BRCA2: variants seen among roughly 807,000 people sequenced by gnomAD.
BRCA2 encodes breast cancer type 2 susceptibility protein.
Under a neutral mutation model 276.7 loss-of-function variants are expected in BRCA2, and 203 were observed. The ratio of observed to expected loss-of-function variants is 0.73; its 90% confidence interval spans 0.65 to 0.82. The LOEUF (loss-of-function observed/expected upper bound fraction) is 0.82, where lower values mean the gene tolerates loss of function less well. Among genes scored for constraint, BRCA2 ranks in the 40% least tolerant of loss-of-function variants. BRCA2 has a pLI of 0.00. For synonymous variants in BRCA2, 1,289 were observed against 1,338.4 expected (o/e 0.96, Z 0.81); for missense variants, 3,920 against 3,915.0 (o/e 1.00, Z -0.03).
Position 32,363,424 on chromosome 13 carries a change from A to G in BRCA2, c.8222A>G (p.Lys2741Arg), listed in dbSNP as rs1060502428. The change falls in exon 18 of 27, where the codon AAG becomes AGG. Residue 2741 changes from lysine (K) to arginine (R), a missense_variant. Around this residue, in one of 2 missense-constraint regions of BRCA2, gnomAD observed 3,263 missense variants for 3,156.9 expected, o/e 1.03. Coordinates refer to ENST00000380152, the MANE Select transcript of BRCA2 (RefSeq NM_000059.4). Reference sequence around the variant, plus strand: ...GATCCTCCCCTCTTAGCTGTCTTAAAGAATGGCAGACTGACAGTTGGTCAG... The same window carrying G: ...GATCCTCCCCTCTTAGCTGTCTTAAGGAATGGCAGACTGACAGTTGGTCAG... ...QLDPPLLAVL[K>R]NGRLTVGQKI... The G allele has an allele frequency of 1.9e-6, 3 of 1,614,218 alleles. No homozygotes were observed. Among genetic ancestry groups the G allele is most frequent in the Non-Finnish European group, 2.5e-6 (3 of 1,180,032 alleles).
At chr13:32,350,707 T>C (rs1296014740) in intron 13 of BRCA2, among the ~76,000 whole-genome samples, 1 of 151,732 alleles carries the variant, frequency 6.6e-6, no homozygotes, top group Non-Finnish European at 1.5e-5. Context: ...GAGCCGAGAT[T>C]GCACCACTGC....
rs569898051 is a variant in BRCA2, at chr13:32,323,155, T to C, written c.317-1921T>C. On this transcript the variant is annotated intron_variant, in intron 3 of 26. Coordinates refer to ENST00000380152, the MANE Select transcript of BRCA2 (RefSeq NM_000059.4). ...CCTCATTGTTTGTTTTATTTAATTT[T>C]TTTTTTTTTTTTTTGGAGATGAAAT... Among the ~76,000 whole-genome samples the C allele has an allele frequency of 2.8e-3, 397 of 142,902 alleles. 1 individual carries two copies. The highest frequency in any genetic ancestry group is 4.9e-3 in the Non-Finnish European group (312 of 64,066). 93.7% of individuals were successfully genotyped at this position (142,902 alleles called of 152,430 possible).
Position 32,337,355 on chromosome 13 carries a change from T to A in BRCA2, c.3000T>A (p.Ile1000=), listed in dbSNP as rs587780649. 2 of 1,613,870 alleles carry A rather than the reference T, an allele frequency of 1.2e-6. No individual in the cohort carries two copies. The highest frequency in any genetic ancestry group is 1.7e-6 in the Non-Finnish European group (2 of 1,179,914). The change falls in exon 11 of 27, where the codon ATT becomes ATA. Residue 1000 remains isoleucine (I), a synonymous_variant. Transcript: ENST00000380152. ...MNKWAGLLGP[I]SNHSFGGSFR... The stretch of plus-strand genomic sequence containing the variant: ...AATGGGCAGGACTCTTAGGTCCAAT[T>A]TCAAATCACAGTTTTGGAGGTAGCT...
rs397507778 is a variant in BRCA2, at chr13:32,339,646, C to T, written c.5291C>T (p.Ser1764Leu). 1.2e-6 allele frequency: 2 copies of T among 1,612,294 alleles called. No homozygotes were observed. Among genetic ancestry groups the T allele is most frequent in the South Asian group, 2.2e-5 (2 of 90,914 alleles). Residue 1764 changes from serine (S) to leucine (L), a missense_variant, in exon 11 of 27, where the codon TCA becomes TTA. This residue lies in a region of BRCA2 where 3,263 missense variants were observed against 3,156.9 expected (regional missense o/e 1.03). Coordinates refer to ENST00000380152, the MANE Select transcript of BRCA2 (RefSeq NM_000059.4). ...GTATATAATGATTCAGGATATCTCT[C>T]AAAAAATAAACTTGATTCTGGTATT... ...DEVYNDSGYL[S>L]KNKLDSGIEP...
chr13:32,376,627 G>A (rs2137612016), intron 20 of BRCA2, 43 bp from the exon 21 acceptor site: 1 of 1,603,524 alleles, frequency 6.2e-7, no homozygotes, highest in Non-Finnish European at 8.5e-7. Context: ...AGTTGCTTTT[G>A]AATTTACAGT....
intron 13 of BRCA2, 42 bp from the exon 14 acceptor site, chr13:32,354,819 G>A (rs771027448): frequency 7.7e-7 from 1 of 1,292,248 alleles, no homozygotes; most frequent in Non-Finnish European, 1.1e-6. Context: ...ATATTTATAT[G>A]TGTACTAGTC....
intron 9 of BRCA2, among the ~76,000 whole-genome samples, chr13:32,331,716 T>C (rs1357818542): frequency 1.3e-5 from 2 of 152,162 alleles, no homozygotes; most frequent in Non-Finnish European, 1.5e-5. Flanking sequence ...TCTGAGCTTT[T>C]TTTTTTTCTA....
intron 13 of BRCA2, among the ~76,000 whole-genome samples, chr13:32,351,214 C>T (rs563976594): frequency 1.3e-5 from 2 of 152,318 alleles, no homozygotes; most frequent in South Asian, 2.1e-4. Context: ...CCTTTATGAG[C>T]TGTAACACTC....
intron 16 of BRCA2, 96 bp downstream of exon 16, chr13:32,358,025 A>C (rs750152775): frequency 2.2e-6 from 3 of 1,378,434 alleles, no homozygotes; most frequent in Non-Finnish European, 3.1e-6. Flanking sequence ...GTTGGCTAGA[A>C]ATCAAATTTT....
chr13:32,341,342 G>C, intron 11 of BRCA2, 146 bp downstream of exon 11: 1 of 1,072,248 alleles, frequency 9.3e-7, no homozygotes, highest in East Asian at 2.5e-5. Flanking sequence ...AGTATGGTTT[G>C]ATATACAGAT....
rs1555283610 is a variant in BRCA2, at chr13:32,338,523, T to C, written c.4168T>C (p.Leu1390=). The part of the protein sequence containing the change: ...IKEDLSDLTF[L]EVAKAQEACH... ...AGAAGATTTGTCAGATTTAACTTTT[T>C]TGGAAGTTGCGAAAGCTCAAGAAGC... Residue 1390 remains leucine, a synonymous_variant, in exon 11 of 27, where the codon TTG becomes CTG. Transcript: ENST00000380152. 1.2e-6 allele frequency: 2 copies of C among 1,604,706 alleles called. No homozygotes were observed. The highest frequency in any genetic ancestry group is 1.7e-6 in the Non-Finnish European group (2 of 1,177,482).
chr13:32,321,643 T>C (rs994531197), intron 3 of BRCA2, among the ~76,000 whole-genome samples: 1 of 152,220 alleles, frequency 6.6e-6, no homozygotes, highest in Non-Finnish European at 1.5e-5. Flanking sequence ...GACTAGTCTC[T>C]TGAGACCTTT....
At chr13:32,325,548 GTT>G (rs61508122) in intron 4 of BRCA2, among the ~76,000 whole-genome samples, 3 of 135,982 alleles carry the variant, frequency 2.2e-5, no homozygotes, top group Admixed American at 7.4e-5. Context: ...TTTTTTTTTT[GTT>G]TTTTTTTTTT....
rs1454140894 is a variant in BRCA2 at position 32,338,554 on chromosome 13, A to G, written c.4199A>G (p.His1400Arg). 1.3e-6 allele frequency: 2 copies of G among 1,598,120 alleles called. No homozygotes were observed. Among genetic ancestry groups the G allele is most frequent in the East Asian group, 2.2e-5 (1 of 44,680 alleles). ...GTTGCGAAAGCTCAAGAAGCATGTCATGGTAATACTTCAAATAAAGAACAG... is the reference window on the plus strand; with the variant it reads ...GTTGCGAAAGCTCAAGAAGCATGTCGTGGTAATACTTCAAATAAAGAACAG... ...LEVAKAQEAC[H>R]GNTSNKEQLT... The change falls in exon 11 of 27, where the codon CAT (histidine) becomes CGT (arginine). Residue 1400 changes from histidine to arginine, a missense_variant. His to Arg is a conservative substitution (Grantham distance 29, BLOSUM62 0). This residue lies in a region of BRCA2 where 3,263 missense variants were observed against 3,156.9 expected (regional missense o/e 1.03). Coordinates refer to ENST00000380152, the MANE Select transcript of BRCA2 (RefSeq NM_000059.4).
intron 18 of BRCA2, among the ~76,000 whole-genome samples, chr13:32,365,206 T>C (rs938514606): frequency 6.8e-6 from 1 of 146,638 alleles, no homozygotes; most frequent in African/African-American, 2.5e-5. Context: ...CTCCCTGTGT[T>C]GCCTAGGCTG....
At chr13:32,316,900 AAAACTAAGAATTT>A (rs1388051899) in intron 2 of BRCA2, among the ~76,000 whole-genome samples, 1 of 152,166 alleles carries the variant, frequency 6.6e-6, no homozygotes, top group Non-Finnish European at 1.5e-5. Flanking sequence ...TTAGAAATTT[AAAACTAAGAATTT>A]AAGGCTGGGC....
At chr13:32,327,254 C>G (rs907403461) in intron 7 of BRCA2, among the ~76,000 whole-genome samples, 1 of 152,120 alleles carries the variant, frequency 6.6e-6, no homozygotes, top group Non-Finnish European at 1.5e-5. Context: ...TTGAGAGCAG[C>G]CTGTACAACG....
chr13:32,346,238 A>T (rs1345962733), intron 12 of BRCA2, among the ~76,000 whole-genome samples: 2 of 151,802 alleles, frequency 1.3e-5, no homozygotes, highest in Non-Finnish European at 2.9e-5. Flanking sequence ...GTATATACTC[A>T]TTACCCTTTC....
chr13:32,342,535 T>C (rs1010511337), intron 11 of BRCA2, among the ~76,000 whole-genome samples: 2 of 152,186 alleles, frequency 1.3e-5, no homozygotes, highest in African/African-American at 4.8e-5. Flanking sequence ...AGAAATAGAT[T>C]GTTAGATTTC....
Sources: gnomAD v4.1 joint callset for allele counts (sites outside exome capture counted in the v4.1 genomes callset) on GRCh38, gnomAD v4.1.1 for gene constraint, gnomAD v4.1.1 regional missense constraint, MANE v1.5 for transcripts, NCBI Gene and HGNC (gene_info 2026-07-23, HGNC 2026-07-21) for gene names.